PTPRT: variants seen among roughly 807,000 people sequenced by gnomAD.
PTPRT encodes protein tyrosine phosphatase receptor type T.
PTPRT carries 56 observed loss-of-function variants against 176.8 expected under a neutral mutation model. That is an observed-to-expected ratio of 0.32 (90% CI 0.26 to 0.40). The LOEUF (loss-of-function observed/expected upper bound fraction) is 0.40. PTPRT is among the 10% of genes least tolerant of loss of function. The pLI, the probability that PTPRT is intolerant of heterozygous loss-of-function variation, is 1.00. For missense variants in PTPRT, 1,540 were observed against 1,908.2 expected (o/e 0.81, Z 3.60); for synonymous variants, 783 against 739.0 (o/e 1.06, Z -0.96).
At chr20:42,472,596 G>A (rs1340521683) in intron 7 of PTPRT, 34 bp from the exon 8 acceptor site, 14 of 1,597,888 alleles carry the variant, frequency 8.8e-6, no homozygotes, top group Non-Finnish European at 1.2e-5. Flanking sequence ...CAAGGGTTCT[G>A]AAGAGACCAT....
chr20:43,058,838 G>A (rs914939889), intron 1 of PTPRT, among the ~76,000 whole-genome samples: 4 of 152,070 alleles, frequency 2.6e-5, no homozygotes, highest in Non-Finnish European at 5.9e-5. Flanking sequence ...GTCTTACAGA[G>A]AGAGCAACAG....
chr20:42,703,141 G>T (rs1406035906), intron 6 of PTPRT, among the ~76,000 whole-genome samples: 1 of 152,150 alleles, frequency 6.6e-6, no homozygotes, highest in Non-Finnish European at 1.5e-5. Context: ...GGAGAATGCT[G>T]GGATTAGTAC....
intron 2 of PTPRT, among the ~76,000 whole-genome samples, chr20:42,806,947 G>GA (rs2077618580): frequency 6.6e-6 from 1 of 152,168 alleles, no homozygotes; most frequent in Non-Finnish European, 1.5e-5. Flanking sequence ...ACCATCCACA[G>GA]AAGTATTCCT....
At chr20:43,003,429 T>A (rs568528845) in intron 1 of PTPRT, among the ~76,000 whole-genome samples, 1 of 152,300 alleles carries the variant, frequency 6.6e-6, no homozygotes, top group Non-Finnish European at 1.5e-5. Context: ...CTCTAACTCC[T>A]GAGCTCAAGC....
At chr20:42,081,073 T>C in intron 30 of PTPRT, 141 bp from the exon 31 acceptor site, 1 of 655,216 alleles carries the variant, frequency 1.5e-6, no homozygotes, top group Non-Finnish European at 2.6e-6. Context: ...CAACTCAAAA[T>C]TACCCATATC....
chr20:42,494,821 G>A (rs1325010502), intron 7 of PTPRT, among the ~76,000 whole-genome samples: 4 of 152,128 alleles, frequency 2.6e-5, no homozygotes, highest in East Asian at 1.9e-4. Flanking sequence ...GGATAGATAC[G>A]TGAAATAAAT....
chr20:42,084,985 C>A, intron 28 of PTPRT, 140 bp from the exon 29 acceptor site: 1 of 609,992 alleles, frequency 1.6e-6, no homozygotes, highest in Non-Finnish European at 2.4e-6. Context: ...GGGAGAGTCC[C>A]CATGACTACT....
chr20:42,491,365 T>C (rs954870766), intron 7 of PTPRT, among the ~76,000 whole-genome samples: 1 of 152,170 alleles, frequency 6.6e-6, no homozygotes, highest in African/African-American at 2.4e-5. Context: ...TGAGGTTTCA[T>C]CACAGTATTC....
chr20:42,669,101 C>T (rs1238818057), intron 7 of PTPRT, among the ~76,000 whole-genome samples: 2 of 151,976 alleles, frequency 1.3e-5, no homozygotes, highest in African/African-American at 4.8e-5. Context: ...ATCTCTCTTC[C>T]GTGGTCCTAC....
intron 1 of PTPRT, among the ~76,000 whole-genome samples, chr20:43,134,905 T>C (rs1276343320): frequency 6.6e-6 from 1 of 152,218 alleles, no homozygotes; most frequent in African/African-American, 2.4e-5. Flanking sequence ...TTCTTTGACG[T>C]AGAGGACTAT....
At chr20:42,108,326 ATTAC>A (rs1986670737) in intron 23 of PTPRT, among the ~76,000 whole-genome samples, 1 of 152,124 alleles carries the variant, frequency 6.6e-6, no homozygotes, top group Non-Finnish European at 1.5e-5. Flanking sequence ...TCCTGGCTCT[ATTAC>A]TTATTAGCTG....
intron 1 of PTPRT, among the ~76,000 whole-genome samples, chr20:42,923,253 T>C (rs1389286586): frequency 6.6e-6 from 1 of 152,100 alleles, no homozygotes; most frequent in Non-Finnish European, 1.5e-5. Context: ...AAGCCACAGA[T>C]TGGGTAGGAT....
At chr20:43,073,238 A>G (rs1406068104) in intron 1 of PTPRT, among the ~76,000 whole-genome samples, 2 of 152,234 alleles carry the variant, frequency 1.3e-5, no homozygotes, top group South Asian at 4.1e-4. Context: ...TAACTGTTAA[A>G]TATACAATGG....
intron 12 of PTPRT, among the ~76,000 whole-genome samples, chr20:42,298,874 A>G (rs527947059): frequency 1.3e-5 from 2 of 152,092 alleles, no homozygotes; most frequent in African/African-American, 4.8e-5. Context: ...TTGAGCCAAG[A>G]TCATGCCACT....
At chr20:42,229,176 T>C (rs1600703795) in intron 15 of PTPRT, among the ~76,000 whole-genome samples, 1 of 152,092 alleles carries the variant, frequency 6.6e-6, no homozygotes, top group East Asian at 1.9e-4. Flanking sequence ...GCAGGAAAAA[T>C]AAGAATCTGA....
At chr20:42,563,724 A>G (rs952812391) in intron 7 of PTPRT, among the ~76,000 whole-genome samples, 1 of 152,196 alleles carries the variant, frequency 6.6e-6, no homozygotes, top group Non-Finnish European at 1.5e-5. Context: ...CCTTTTTGAG[A>G]GACTGAAGTA....
At chr20:42,306,423 T>C (rs1407020467) in intron 12 of PTPRT, among the ~76,000 whole-genome samples, 1 of 152,132 alleles carries the variant, frequency 6.6e-6, no homozygotes, top group Non-Finnish European at 1.5e-5. Context: ...AAATGGGGCA[T>C]GGAACCTAGG....
intron 16 of PTPRT, among the ~76,000 whole-genome samples, chr20:42,196,951 G>C (rs1468967554): frequency 6.6e-6 from 1 of 152,116 alleles, no homozygotes; most frequent in African/African-American, 2.4e-5. Flanking sequence ...CCATTAATAG[G>C]ATGTAAAGGG....
chr20:42,745,216 C>T (rs6016887), intron 6 of PTPRT, among the ~76,000 whole-genome samples: 21,329 of 152,204 alleles, frequency 0.14, 1,523 homozygotes, highest in East Asian at 0.17. Context: ...TTCACAGCCA[C>T]GTCACCAGCT....
Sources: gnomAD v4.1 joint callset for allele counts (sites outside exome capture counted in the v4.1 genomes callset) on GRCh38, gnomAD v4.1.1 for gene constraint, MANE v1.5 for transcripts, NCBI Gene and HGNC (gene_info 2026-07-23, HGNC 2026-07-21) for gene names.